ENPP3: variants seen among roughly 807,000 people sequenced by gnomAD.
ENPP3 encodes the protein ectonucleotide pyrophosphatase/phosphodiesterase family member 3.
A neutral mutation model predicts 117.8 loss-of-function variants in ENPP3; 104 were observed. That is an observed-to-expected ratio of 0.88 (90% CI 0.75 to 1.04). ENPP3 has a LOEUF of 1.04. Ranked by LOEUF, ENPP3 falls within the 50% of genes least tolerant of loss-of-function variation. The pLI is 0.00. For missense variants in ENPP3, 1,026 were observed against 1,051.9 expected, an observed-to-expected ratio of 0.98 and a Z score of 0.34; for synonymous variants, 380 against 349.9, an observed-to-expected ratio of 1.09 and a Z score of -0.96.
At chr6:131,674,720 C>A (rs1778827692) in intron 8 of ENPP3, among the ~76,000 whole-genome samples, 1 of 151,932 alleles carries the variant, frequency 6.6e-6, no homozygotes, top group Admixed American at 6.6e-5. Flanking sequence ...CAGGCACGCA[C>A]CACCACGCCC....
chr6:131,654,783 A>T (rs1236949539), intron 5 of ENPP3, among the ~76,000 whole-genome samples: 2 of 152,192 alleles, frequency 1.3e-5, no homozygotes, highest in African/African-American at 4.8e-5. Flanking sequence ...CATTTTAAAA[A>T]TGAGTATAAA....
chr6:131,673,896 G>A (rs1426900435), intron 7 of ENPP3, among the ~76,000 whole-genome samples: 2 of 152,026 alleles, frequency 1.3e-5, no homozygotes, highest in African/African-American at 2.4e-5. Flanking sequence ...GGTATGCATA[G>A]GTTATATGCA....
intron 17 of ENPP3, among the ~76,000 whole-genome samples, chr6:131,721,773 T>C (rs2114530239): frequency 6.6e-6 from 1 of 152,340 alleles, no homozygotes; most frequent in African/African-American, 2.4e-5. Flanking sequence ...TATAGCTTTT[T>C]ATGCTAGAAA....
chr6:131,662,417 A>G (rs968998578), intron 6 of ENPP3, among the ~76,000 whole-genome samples: 2 of 151,930 alleles, frequency 1.3e-5, no homozygotes, highest in Non-Finnish European at 1.5e-5. Flanking sequence ...TAATTTTTGT[A>G]TTTTTGTACA....
intron 7 of ENPP3, among the ~76,000 whole-genome samples, chr6:131,671,975 T>C (rs1171732551): frequency 1.3e-5 from 2 of 152,224 alleles, no homozygotes; most frequent in Non-Finnish European, 2.9e-5. Context: ...TTTAATCTTT[T>C]ATTACTATGG....
At chr6:131,688,329 T>C (rs957945347) in intron 14 of ENPP3, among the ~76,000 whole-genome samples, 1 of 152,188 alleles carries the variant, frequency 6.6e-6, no homozygotes, top group Admixed American at 6.5e-5. Flanking sequence ...CAATTAGTAA[T>C]GCTACAATGG....
chr6:131,652,689 C>T, intron 4 of ENPP3, 22 bp downstream of exon 4: 3 of 1,613,684 alleles, frequency 1.9e-6, no homozygotes, highest in South Asian at 1.1e-5. Context: ...GATGTTGACT[C>T]ATTTGCCCCT....
chr6:131,663,923 G>T (rs1778561041), intron 6 of ENPP3, among the ~76,000 whole-genome samples: 1 of 152,026 alleles, frequency 6.6e-6, no homozygotes. Context: ...AAAGAGATGG[G>T]GTCTTGCTAT....
rs189921407 is a variant in ENPP3, at chr6:131,646,605, A to T, written c.155-3422A>T. ...CTGCTCCACATCCAAGCTTTTACCA[A>T]TTCTCCTATATTTAGCTTTGTGCCT... On this transcript the variant is annotated intron_variant, in intron 2 of 24. Coordinates refer to ENST00000357639, the MANE Select transcript of ENPP3 (RefSeq NM_005021.5). Among the ~76,000 whole-genome samples, 79 of 151,852 alleles carry T rather than the reference A, an allele frequency of 5.2e-4. No individual in the cohort carries two copies. In the East Asian group the frequency reaches 0.01, roughly 20 times the overall value.
intron 24 of ENPP3, among the ~76,000 whole-genome samples, chr6:131,742,404 G>GA (rs1348703651): frequency 6.6e-6 from 1 of 151,984 alleles, no homozygotes; most frequent in African/African-American, 2.4e-5. Flanking sequence ...AGTACACAAA[G>GA]AAAAAAATAT....
At chr6:131,719,305 T>A (rs2114523998) in intron 16 of ENPP3, among the ~76,000 whole-genome samples, 1 of 151,424 alleles carries the variant, frequency 6.6e-6, no homozygotes, top group South Asian at 2.1e-4. Context: ...TGTGCCTGAG[T>A]CTATGAGTAG....
intron 20 of ENPP3, among the ~76,000 whole-genome samples, chr6:131,730,112 A>C (rs1415699627): frequency 4.6e-5 from 7 of 152,228 alleles, no homozygotes; most frequent in Non-Finnish European, 8.8e-5. Flanking sequence ...GGCTACATTT[A>C]TATACTGTAT....
chr6:131,710,007 G>A (rs1221914806), intron 15 of ENPP3: 3 of 1,605,100 alleles, frequency 1.9e-6, no homozygotes, highest in South Asian at 1.1e-5. Context: ...GAATAATAAT[G>A]TGGTTTCTTT....
In ENPP3 at chr6:131,718,336, T is replaced by G. The variant is rs372377529; in HGVS notation, c.1413-336T>G. On this transcript the variant is annotated intron_variant, in intron 15 of 24. Transcript: ENST00000357639. ...CCATGAGCTTGAAGACAAATTCATT[T>G]TTTTTTAAAATATGTACCTTTATTA... Among the ~76,000 whole-genome samples, 20 of 152,266 alleles carry G rather than the reference T, an allele frequency of 1.3e-4. No individual in the cohort carries two copies. In the East Asian group the frequency reaches 1.7e-3, roughly 13 times the overall value.
At chr6:131,742,767 TC>T (rs1562485806) in intron 24 of ENPP3, among the ~76,000 whole-genome samples, 1 of 152,202 alleles carries the variant, frequency 6.6e-6, no homozygotes, top group Non-Finnish European at 1.5e-5. Flanking sequence ...GCTTACCTCA[TC>T]ACTGTTGCCT....
chr6:131,676,715 A>G (rs1326426413), intron 9 of ENPP3, 21 bp from the exon 10 acceptor site: 12 of 1,507,134 alleles, frequency 8.0e-6, no homozygotes, highest in Non-Finnish European at 1.1e-5. Context: ...TTAAAGAATT[A>G]TTTCTACCCT....
intron 15 of ENPP3, among the ~76,000 whole-genome samples, chr6:131,707,233 G>C (rs1779662757): frequency 6.6e-6 from 1 of 151,282 alleles, no homozygotes; most frequent in Non-Finnish European, 1.5e-5. Context: ...GTGTGGAGTT[G>C]TTTGTAATAT....
At chr6:131,646,763 T>A (rs1778161771) in intron 2 of ENPP3, among the ~76,000 whole-genome samples, 1 of 130,172 alleles carries the variant, frequency 7.7e-6, no homozygotes, top group Non-Finnish European at 1.6e-5. Context: ...TTTTTTTTTT[T>A]AACTTTTCCA....
chr6:131,734,399 C>T (rs917705205), intron 21 of ENPP3, among the ~76,000 whole-genome samples: 1 of 152,080 alleles, frequency 6.6e-6, no homozygotes, highest in Non-Finnish European at 1.5e-5. Context: ...ATTAACTTGC[C>T]TATGAGATTT....
Sources: allele counts gnomAD v4.1 joint callset (sites outside exome capture counted in the v4.1 genomes callset), GRCh38; gene constraint gnomAD v4.1.1; transcripts MANE v1.5; gene names NCBI Gene and HGNC (gene_info 2026-07-23, HGNC 2026-07-21).